The following PRKN variants were observed in gnomAD, a reference collection of about 807,000 sequenced individuals.
PRKN encodes the protein parkin RBR E3 ubiquitin protein ligase.
Under a neutral mutation model 59.5 loss-of-function variants are expected in PRKN, and 56 were observed. The observed-to-expected ratio is 0.94, with a 90% CI of 0.76 to 1.18. The LOEUF (loss-of-function observed/expected upper bound fraction) is 1.18, where lower values mean the gene tolerates loss of function less well. PRKN is among the 50% of genes most tolerant of loss of function. The probability of loss-of-function intolerance (pLI) is 0.00; values close to 1 mark genes in which losing one functional copy is unlikely to be tolerated. For missense variants in PRKN, 657 were observed against 596.4 expected (o/e 1.10, Z -1.06); for synonymous variants, 250 against 222.1 (o/e 1.13, Z -1.12).
intron 4 of PRKN, among the ~76,000 whole-genome samples, chr6:162,199,937 A>C (rs1019223386): frequency 1.3e-5 from 2 of 152,060 alleles, no homozygotes; most frequent in Non-Finnish European, 2.9e-5. Flanking sequence ...AACCAGATGA[A>C]ATGCGCCTTA....
intron 9 of PRKN, among the ~76,000 whole-genome samples, chr6:161,535,247 C>T (rs1308529958): frequency 3.9e-5 from 6 of 152,190 alleles, no homozygotes; most frequent in East Asian, 1.9e-4. Context: ...TACAATTTTA[C>T]GGGTATTATT....
chr6:161,922,774 G>A (rs1413836000), intron 6 of PRKN, among the ~76,000 whole-genome samples: 4 of 152,236 alleles, frequency 2.6e-5, no homozygotes, highest in South Asian at 2.1e-4. Flanking sequence ...AAAGAAGCCA[G>A]CATAAGCCTA....
intron 6 of PRKN, among the ~76,000 whole-genome samples, chr6:161,879,604 C>G (rs1794858906): frequency 6.6e-6 from 1 of 152,074 alleles, no homozygotes; most frequent in South Asian, 2.1e-4. Context: ...CCTCAGACTC[C>G]CAAAGTGCTG....
chr6:161,872,108 G>A (rs1794363814), intron 6 of PRKN, among the ~76,000 whole-genome samples: 1 of 152,106 alleles, frequency 6.6e-6, no homozygotes, highest in Admixed American at 6.6e-5. Flanking sequence ...ACATTCTAGT[G>A]GGAGAGAGAA....
At chr6:161,486,304 T>C (rs1277955956) in intron 9 of PRKN, among the ~76,000 whole-genome samples, 2 of 152,146 alleles carry the variant, frequency 1.3e-5, no homozygotes, top group African/African-American at 2.4e-5. Context: ...AAACAGAAAC[T>C]TTAGCTCAAG....
At chr6:161,877,247 C>T (rs770769069) in intron 6 of PRKN, among the ~76,000 whole-genome samples, 4 of 152,160 alleles carry the variant, frequency 2.6e-5, no homozygotes, top group African/African-American at 7.2e-5. Context: ...CCAGCCACGG[C>T]GGCCCCATTC....
chr6:161,678,038 C>T (rs1785153718), intron 7 of PRKN, among the ~76,000 whole-genome samples: 1 of 151,990 alleles, frequency 6.6e-6, no homozygotes, highest in Admixed American at 6.6e-5. Context: ...CTTAACCTCA[C>T]CATGAAATGC....
chr6:162,144,557 T>TG (rs2128311796), intron 4 of PRKN, among the ~76,000 whole-genome samples: 1 of 152,264 alleles, frequency 6.6e-6, no homozygotes, highest in South Asian at 2.1e-4. Flanking sequence ...TTCCCTACAA[T>TG]GTCTGCAGTA....
chr6:162,336,216 C>G (rs1783838876), intron 2 of PRKN, among the ~76,000 whole-genome samples: 1 of 152,036 alleles, frequency 6.6e-6, no homozygotes, highest in African/African-American at 2.4e-5. Flanking sequence ...AATATGTATA[C>G]AAGTATAAAA....
intron 11 of PRKN, among the ~76,000 whole-genome samples, chr6:161,351,390 T>C (rs1451019468): frequency 6.6e-6 from 1 of 151,280 alleles, no homozygotes; most frequent in African/African-American, 2.4e-5. Context: ...AGTGGCGAGA[T>C]CTTGGCTCAC....
intron 4 of PRKN, among the ~76,000 whole-genome samples, chr6:162,149,852 G>T (rs1351909333): frequency 6.6e-6 from 1 of 152,212 alleles, no homozygotes; most frequent in Non-Finnish European, 1.5e-5. Flanking sequence ...AAATGATACT[G>T]ATGAAGCAAG....
chr6:161,844,080 G>T (rs372276179), intron 6 of PRKN, among the ~76,000 whole-genome samples: 8 of 152,164 alleles, frequency 5.3e-5, no homozygotes, highest in African/African-American at 1.7e-4. Flanking sequence ...CCGAGATAAT[G>T]AATAAGAATT....
In PRKN at chr6:161,812,252, G is replaced by C. The variant is rs1015230548; in HGVS notation, c.735-26344C>G. Among the ~76,000 whole-genome samples the C allele has an allele frequency of 2.6e-5, 4 of 152,006 alleles. No homozygotes were observed. In the East Asian group the frequency reaches 7.7e-4, roughly 29 times the overall value. The stretch of plus-strand genomic sequence containing the variant: ...AATAAAAATAAAAATAATTACTCAG[G>C]TGTGGTGGTGTTTGCCTGTAGTCCC... On this transcript the variant is annotated intron_variant, in intron 6 of 11. Coordinates refer to ENST00000366898, the MANE Select transcript of PRKN (RefSeq NM_004562.3).
At chr6:162,254,634 A>C (rs1196407638) in intron 3 of PRKN, among the ~76,000 whole-genome samples, 1 of 151,968 alleles carries the variant, frequency 6.6e-6, no homozygotes, top group Non-Finnish European at 1.5e-5. Flanking sequence ...CACAATGAAC[A>C]CCCACTTGCT....
rs115510652 is a variant in PRKN, at chr6:161,964,038, T to G, written c.734+9264A>C. ...TTACTGCTACATTCTCCTTTTCACA[T>G]GCAAATCCACCTTCCGGCCTCACCA... On this transcript the variant is annotated intron_variant, in intron 6 of 11. Transcript: ENST00000366898. Among the ~76,000 whole-genome samples, 794 of 152,144 alleles carry G rather than the reference T, an allele frequency of 5.2e-3. 15 individuals carry two copies. Among genetic ancestry groups the G allele is most frequent in the African/African-American group, 0.018 (753 of 41,406 alleles).
intron 7 of PRKN, among the ~76,000 whole-genome samples, chr6:161,757,873 G>C (rs1313428094): frequency 2.8e-3 from 40 of 14,456 alleles, no homozygotes; most frequent in African/African-American, 8.1e-3. Flanking sequence ...CTCTCTCTCT[G>C]TGTATATATA....
At chr6:161,636,754 C>T (rs1341198741) in intron 7 of PRKN, among the ~76,000 whole-genome samples, 1 of 151,952 alleles carries the variant, frequency 6.6e-6, no homozygotes, top group Non-Finnish European at 1.5e-5. Context: ...AATACAAAGT[C>T]GAGATTAAAC....
At chr6:162,220,590 G>A (rs1293387603) in intron 3 of PRKN, among the ~76,000 whole-genome samples, 1 of 152,170 alleles carries the variant, frequency 6.6e-6, no homozygotes, top group Non-Finnish European at 1.5e-5. Context: ...TAACCCAACA[G>A]GTAGTTTCTC....
At chr6:161,699,097 G>C (rs1786141250) in intron 7 of PRKN, among the ~76,000 whole-genome samples, 1 of 152,078 alleles carries the variant, frequency 6.6e-6, no homozygotes, top group African/African-American at 2.4e-5. Flanking sequence ...CACAAAAGAA[G>C]ATACAAGGGT....
Sources: gnomAD v4.1 joint callset for allele counts (sites outside exome capture counted in the v4.1 genomes callset) on GRCh38, gnomAD v4.1.1 for gene constraint, MANE v1.5 for transcripts, NCBI Gene and HGNC (gene_info 2026-07-23, HGNC 2026-07-21) for gene names.